Variants in PNPLA8 observed in about 807,000 individuals in gnomAD.
PNPLA8 encodes the protein patatin like domain 8, phospholipase A2.
Under a neutral mutation model 76.9 loss-of-function variants are expected in PNPLA8, and 39 were observed. That is an observed-to-expected ratio of 0.51 (90% CI 0.39 to 0.66). PNPLA8 has a LOEUF of 0.66. PNPLA8 is among the 30% of genes least tolerant of loss of function. PNPLA8 has a pLI of 0.00. For missense variants in PNPLA8, 887 were observed against 918.0 expected (o/e 0.97, Z 0.44); for synonymous variants, 301 against 307.9 (o/e 0.98, Z 0.24).
At chr7:108,488,638 T>A (rs1300106496) in intron 8 of PNPLA8, among the ~76,000 whole-genome samples, 1 of 152,170 alleles carries the variant, frequency 6.6e-6, no homozygotes, top group Non-Finnish European at 1.5e-5. Flanking sequence ...TACAAATTAG[T>A]CTTTGTTTCT....
Position 108,515,099 on chromosome 7 carries a change from T to C in PNPLA8, c.393A>G (p.Pro131=). Residue 131 remains proline (P), a synonymous_variant, in exon 3 of 11, where the codon CCA becomes CCG. Transcript: ENST00000257694. ...ATACTTTTCTTAAAATTTGGGAACTTGGCTTAAATTGAGCTAAACGTGAAA... is the reference window on the plus strand; with the variant it reads ...ATACTTTTCTTAAAATTTGGGAACTCGGCTTAAATTGAGCTAAACGTGAAA... ...EMISRLAQFK[P]SSQILRKVSD... The C allele has an allele frequency of 6.2e-7, 1 of 1,606,024 alleles. No homozygotes were observed. Among genetic ancestry groups the C allele is most frequent in the African/African-American group, 1.3e-5 (1 of 74,468 alleles).
intron 7 of PNPLA8, among the ~76,000 whole-genome samples, chr7:108,492,421 T>C (rs561127608): frequency 1.9e-4 from 29 of 152,222 alleles, no homozygotes; most frequent in Non-Finnish European, 3.4e-4. Flanking sequence ...ACAGAATTCT[T>C]ACTGTAAAAT....
intron 9 of PNPLA8, among the ~76,000 whole-genome samples, chr7:108,483,454 C>T (rs548929147): frequency 6.6e-6 from 1 of 152,294 alleles, no homozygotes; most frequent in Non-Finnish European, 1.5e-5. Context: ...TCCAACTACT[C>T]TTCAAAGTCA....
chr7:108,520,106 T>C (rs1015297261), intron 2 of PNPLA8, among the ~76,000 whole-genome samples: 1 of 152,182 alleles, frequency 6.6e-6, no homozygotes, highest in Non-Finnish European at 1.5e-5. Context: ...TCATTGTGAT[T>C]CTCACCTGTG....
At position 108,496,705 on chromosome 7, in the gene PNPLA8, A is replaced by T. The variant is rs369590150; in HGVS notation, c.1504T>A (p.Cys502Ser). ...CCTAATTTTCGATAAAGTTCCTCAC[A>T]TTCATCCAAGGGCATATGAAACAAC... The part of the protein sequence containing the change: ...LGLFHMPLDE[C>S]EELYRKLGSD... The change falls in exon 7 of 11, where the codon TGT becomes AGT. Residue 502 changes from cysteine to serine, a missense_variant. Cys to Ser is a moderately radical substitution (Grantham distance 112, BLOSUM62 -1). Transcript: ENST00000257694. The T allele has an allele frequency of 1.2e-6, 2 of 1,611,678 alleles. No homozygotes were observed. The highest frequency in any genetic ancestry group is 1.7e-6 in the Non-Finnish European group (2 of 1,178,942).
At chr7:108,474,392 G>A (rs561277473) in intron 10 of PNPLA8, among the ~76,000 whole-genome samples, 1 of 152,196 alleles carries the variant, frequency 6.6e-6, no homozygotes, top group Non-Finnish European at 1.5e-5. Context: ...TTTCAGTGCC[G>A]TAAAGCATTA....
At chr7:108,499,764 A>G (rs577674404) in intron 5 of PNPLA8, among the ~76,000 whole-genome samples, 2 of 152,234 alleles carry the variant, frequency 1.3e-5, no homozygotes, top group Admixed American at 6.5e-5. Context: ...CCACCCCTAG[A>G]TTTTCCCAAA....
At chr7:108,492,286 A>G (rs1206728836) in intron 7 of PNPLA8, among the ~76,000 whole-genome samples, 1 of 152,190 alleles carries the variant, frequency 6.6e-6, no homozygotes, top group Non-Finnish European at 1.5e-5. Context: ...TATAAGCTTT[A>G]ATAAATATCA....
At chr7:108,514,318 T>G (rs780520074) in intron 3 of PNPLA8, 25 bp from the exon 4 acceptor site, 1 of 1,584,410 alleles carries the variant, frequency 6.3e-7, no homozygotes, top group Admixed American at 1.8e-5. Context: ...TAAATAGATA[T>G]GATTAGAATA....
Position 108,515,300 on chromosome 7 carries a change from T to G in PNPLA8, c.192A>C (p.Ala64=). The G allele has an allele frequency of 6.2e-7, 1 of 1,611,178 alleles. No homozygotes were observed. Among genetic ancestry groups the G allele is most frequent in the Non-Finnish European group, 8.5e-7 (1 of 1,178,982 alleles). The change falls in exon 3 of 11, where the codon GCA becomes GCC. Residue 64 remains alanine (A), a synonymous_variant. Coordinates refer to ENST00000257694, the MANE Select transcript of PNPLA8 (RefSeq NM_001256007.3). Reference sequence around the variant, plus strand: ...AGTAACAGTGCTTACTGCAAGAATGTGCTTCACTTTTGGTCCATTTACATC... The same window carrying G: ...AGTAACAGTGCTTACTGCAAGAATGGGCTTCACTTTTGGTCCATTTACATC... ...IIRCKWTKSE[A]HSCSKHCYSP...
chr7:108,523,640 TGCGGTGA>T (rs1413318830), intron 1 of PNPLA8, among the ~76,000 whole-genome samples: 1 of 152,198 alleles, frequency 6.6e-6, no homozygotes, highest in African/African-American at 2.4e-5. Context: ...AAAAATCCAC[TGCGGTGA>T]GCTGTCCTCT....
chr7:108,499,104 T>C (rs2154515752), intron 5 of PNPLA8, among the ~76,000 whole-genome samples: 1 of 152,326 alleles, frequency 6.6e-6, no homozygotes, highest in Non-Finnish European at 1.5e-5. Flanking sequence ...GAATTAAATG[T>C]AATGCTGGAT....
Position 108,515,347 on chromosome 7 carries a change from C to T in PNPLA8, c.145G>A (p.Gly49Ser), listed in dbSNP as rs865826423. ...CATCTTATTATGTTTGTATGAAAAC[C>T]TCTTTGTAGACTGATGTGGCTTATC... Reference protein sequence around the residue: ...WRISHISLQRGFHTNIIRCKW... With the variant: ...WRISHISLQRSFHTNIIRCKW... Residue 49 changes from glycine (G) to serine (S), a missense_variant, in exon 3 of 11, where the codon GGT becomes AGT. Physicochemically the swap from Gly to Ser is moderately conservative, Grantham distance 56. Transcript: ENST00000257694. 6.2e-7 allele frequency: 1 copy of T among 1,613,632 alleles called. No individual in the cohort carries two copies. The highest frequency in any genetic ancestry group is 1.7e-5 in the Admixed American group (1 of 59,880).
In PNPLA8 at chr7:108,521,534, A is replaced by G. The variant is rs760931223; in HGVS notation, c.-129-13T>C. ...AGGAGAAGACAATCTATTGAGAAAT[A>G]AAACAAATAATAAACGTAATGTATA... On this transcript the variant is annotated splice_polypyrimidine_tract_variant and intron_variant, in intron 1 of 10. Coordinates refer to ENST00000257694, the MANE Select transcript of PNPLA8 (RefSeq NM_001256007.3). 138 of 643,844 alleles carry G rather than the reference A, an allele frequency of 2.1e-4. No individual in the cohort carries two copies. The highest frequency in any genetic ancestry group is 2.5e-4 in the Non-Finnish European group (132 of 523,240). 39.9% of individuals were successfully genotyped at this position (643,844 alleles called of 1,614,324 possible). A position where few individuals can be genotyped will look rare whatever the true frequency, so the allele number is the denominator to read the frequency against.
chr7:108,494,367 C>T (rs2154515493), intron 7 of PNPLA8, among the ~76,000 whole-genome samples: 1 of 152,276 alleles, frequency 6.6e-6, no homozygotes, highest in East Asian at 1.9e-4. Flanking sequence ...CTCCCACTCT[C>T]CCTCCTGTCT....
intron 2 of PNPLA8, among the ~76,000 whole-genome samples, chr7:108,518,609 T>C (rs570495729): frequency 6.6e-6 from 1 of 151,684 alleles, no homozygotes; most frequent in South Asian, 2.1e-4. Context: ...GTAGGGGGTA[T>C]ATGGAAACGT....
intron 2 of PNPLA8, 54 bp from the exon 3 acceptor site, chr7:108,515,628 T>C (rs951363013): frequency 9.1e-6 from 10 of 1,104,900 alleles, no homozygotes; most frequent in African/African-American, 3.2e-5. Context: ...AAATTGGGTA[T>C]AACAGAAAAC....
At chr7:108,505,948 A>G (rs34771129) in intron 4 of PNPLA8, among the ~76,000 whole-genome samples, 15,432 of 152,260 alleles carry the variant, frequency 0.1, 822 homozygotes, top group Non-Finnish European at 0.11. Flanking sequence ...GATCTGGAAT[A>G]GGTACTTCAC....
chr7:108,478,704 T>C (rs1860173328), intron 10 of PNPLA8, among the ~76,000 whole-genome samples: 1 of 152,168 alleles, frequency 6.6e-6, no homozygotes, highest in Non-Finnish European at 1.5e-5. Context: ...ATTTGCATTT[T>C]AAAAGGATGA....
Sources: gnomAD v4.1 joint callset for allele counts (sites outside exome capture counted in the v4.1 genomes callset) on GRCh38, gnomAD v4.1.1 for gene constraint, MANE v1.5 for transcripts, NCBI Gene and HGNC (gene_info 2026-07-23, HGNC 2026-07-21) for gene names.